The following EML1 variants were observed in gnomAD, a reference collection of about 807,000 sequenced individuals.
EML1 encodes echinoderm microtubule-associated protein-like 1.
A neutral mutation model predicts 110.4 loss-of-function variants in EML1; 27 were observed. The ratio of observed to expected loss-of-function variants is 0.24; its 90% CI spans 0.18 to 0.34. EML1 has a LOEUF of 0.34. Ranked by LOEUF, EML1 falls within the 10% of genes least tolerant of loss-of-function variation. The pLI, the probability that EML1 is intolerant of heterozygous loss-of-function variation, is 1.00. For missense variants in EML1, 741 were observed against 1,030.9 expected (o/e 0.72, Z 3.85); for synonymous variants, 344 against 385.8 (o/e 0.89, Z 1.27).
intron 1 of EML1, among the ~76,000 whole-genome samples, chr14:99,804,497 T>G (rs1177879927): frequency 6.6e-6 from 1 of 152,240 alleles, no homozygotes; most frequent in Non-Finnish European, 1.5e-5. Flanking sequence ...TTTGAGTAAC[T>G]TGTTCAAGAT....
intron 1 of EML1, among the ~76,000 whole-genome samples, chr14:99,746,536 AG>A (rs1226223563): frequency 2.6e-5 from 4 of 152,114 alleles, no homozygotes; most frequent in Non-Finnish European, 5.9e-5. Context: ...GAAGAGAAAC[AG>A]GAGTCTTCCT....
intron 4 of EML1, among the ~76,000 whole-genome samples, chr14:99,884,800 G>A (rs1327828957): frequency 1.3e-5 from 2 of 152,230 alleles, no homozygotes; most frequent in East Asian, 3.8e-4. Context: ...CCTAGGAGGA[G>A]GAGGGGTTTT....
intron 5 of EML1, among the ~76,000 whole-genome samples, chr14:99,894,183 G>A (rs1196623565): frequency 6.6e-6 from 1 of 152,090 alleles, no homozygotes; most frequent in East Asian, 1.9e-4. Context: ...TTTTTACATT[G>A]CAATATAACA....
At chr14:99,906,041 A>G (rs2059840432) in intron 9 of EML1, among the ~76,000 whole-genome samples, 1 of 152,148 alleles carries the variant, frequency 6.6e-6, no homozygotes, top group Admixed American at 6.5e-5. Context: ...ACCAGACCCC[A>G]CCACTTACTA....
intron 8 of EML1, among the ~76,000 whole-genome samples, chr14:99,899,910 A>G (rs2059732995): frequency 6.6e-6 from 1 of 152,104 alleles, no homozygotes; most frequent in Non-Finnish European, 1.5e-5. Context: ...GGCCTAGTGA[A>G]TGCCCGCGGA....
chr14:99,756,001 T>C (rs1326183058), intron 1 of EML1, among the ~76,000 whole-genome samples: 1 of 152,154 alleles, frequency 6.6e-6, no homozygotes, highest in African/African-American at 2.4e-5. Context: ...GTAGCTCCCA[T>C]GGCCACACGT....
At chr14:99,878,387 T>C in intron 3 of EML1, 98 bp from the exon 4 acceptor site, 15 of 1,483,006 alleles carry the variant, frequency 1.0e-5, no homozygotes, top group Non-Finnish European at 1.3e-5. Context: ...TGAATATCCA[T>C]GTGGAAGTAT....
At chr14:99,856,554 T>A (rs2058905269) in intron 2 of EML1, among the ~76,000 whole-genome samples, 1 of 152,214 alleles carries the variant, frequency 6.6e-6, no homozygotes, top group Non-Finnish European at 1.5e-5. Flanking sequence ...CTTTTTCTCT[T>A]GTCTACTGCA....
At chr14:99,938,393 G>A (rs1251299406) in intron 20 of EML1, among the ~76,000 whole-genome samples, 1 of 152,182 alleles carries the variant, frequency 6.6e-6, no homozygotes, top group Non-Finnish European at 1.5e-5. Flanking sequence ...GTCTCTTTAC[G>A]TAAGACTACA....
At chr14:99,752,664 C>T (rs1420679660) in intron 1 of EML1, among the ~76,000 whole-genome samples, 2 of 152,162 alleles carry the variant, frequency 1.3e-5, no homozygotes, top group Non-Finnish European at 2.9e-5. Flanking sequence ...GCCACGGGGC[C>T]TCCAGACCCT....
intron 1 of EML1, among the ~76,000 whole-genome samples, chr14:99,780,688 G>C (rs982257235): frequency 6.6e-6 from 1 of 152,156 alleles, no homozygotes; most frequent in Non-Finnish European, 1.5e-5. Context: ...GGTCCCATAA[G>C]GTTATGACAC....
chr14:99,829,624 C>T (rs951043188), intron 1 of EML1, among the ~76,000 whole-genome samples: 4 of 152,276 alleles, frequency 2.6e-5, no homozygotes, highest in Non-Finnish European at 5.9e-5. Context: ...AGCAGCACCT[C>T]CCCATCCCTC....
At chr14:99,815,924 G>A (rs529265872) in intron 1 of EML1, among the ~76,000 whole-genome samples, 1 of 152,224 alleles carries the variant, frequency 6.6e-6, no homozygotes, top group African/African-American at 2.4e-5. Flanking sequence ...GTAAGAATCT[G>A]ACAGGGGTAA....
At position 99,767,331 on chromosome 14, in the gene EML1, C is replaced by T. The variant is rs139606596; in HGVS notation, c.28+29471C>T. 8.0e-4 allele frequency among the ~76,000 whole-genome samples: 122 copies of T among 152,294 alleles called. No homozygotes were observed. The South Asian group carries it at 8.1e-3, about 10-fold the overall frequency. On this transcript the variant is annotated intron_variant, in intron 1 of 10. Transcript: ENST00000554479. ...TCTGTAAAACGGCATTGGCCGGGCACGGTGGCTCACGCCTGTAATCCCAAC... is the reference window on the plus strand; with the variant it reads ...TCTGTAAAACGGCATTGGCCGGGCATGGTGGCTCACGCCTGTAATCCCAAC...
intron 17 of EML1, among the ~76,000 whole-genome samples, chr14:99,922,476 G>A (rs2060147312): frequency 6.6e-6 from 1 of 152,130 alleles, no homozygotes; most frequent in South Asian, 2.1e-4. Flanking sequence ...GAACATTCAT[G>A]TATATGCCTT....
intron 1 of EML1, among the ~76,000 whole-genome samples, chr14:99,739,127 TG>T (rs2057010737): frequency 4.4e-5 from 1 of 22,982 alleles, no homozygotes; most frequent in Non-Finnish European, 4.0e-4. Flanking sequence ...AGAGTGTGTG[TG>T]TGTGTGTGTG....
At chr14:99,914,808 T>C in intron 15 of EML1, 111 bp downstream of exon 15, 1 of 1,390,220 alleles carries the variant, frequency 7.2e-7, no homozygotes, top group African/African-American at 1.5e-5. Flanking sequence ...AAAGCAAATG[T>C]TATTTATCTA....
chr14:99,801,602 G>A (rs1355585703), intron 1 of EML1, among the ~76,000 whole-genome samples: 2 of 150,350 alleles, frequency 1.3e-5, no homozygotes, highest in African/African-American at 2.5e-5. Context: ...GCCACAGAGC[G>A]AGACTCCGTC....
intron 2 of EML1, among the ~76,000 whole-genome samples, chr14:99,851,516 C>A (rs1240019412): frequency 6.6e-6 from 1 of 152,048 alleles, no homozygotes; most frequent in Non-Finnish European, 1.5e-5. Context: ...ACCGTGTTAG[C>A]CAGGATGGTC....
Sources: gnomAD v4.1 joint callset for allele counts (sites outside exome capture counted in the v4.1 genomes callset) on GRCh38, gnomAD v4.1.1 for gene constraint, MANE v1.5 for transcripts, NCBI Gene and HGNC (gene_info 2026-07-23, HGNC 2026-07-21) for gene names.